RBFOX2: variants seen among roughly 807,000 people sequenced by gnomAD.
The protein encoded by RBFOX2 is RNA binding fox-1 homolog 2.
Under a neutral mutation model 49.1 loss-of-function variants are expected in RBFOX2, and 10 were observed. The ratio of observed to expected loss-of-function variants is 0.20; its 90% CI spans 0.13 to 0.35. The LOEUF (loss-of-function observed/expected upper bound fraction) is 0.35, where lower values mean the gene tolerates loss of function less well. Among genes scored for constraint, RBFOX2 ranks in the 10% least tolerant of loss-of-function variants. RBFOX2 has a pLI of 1.00. For missense variants in RBFOX2, 323 were observed against 486.9 expected (o/e 0.66, Z 3.17); for synonymous variants, 183 against 187.4 (o/e 0.98, Z 0.19).
intron 10 of RBFOX2, 47 bp from the exon 13 acceptor site, chr22:35,746,042 C>T (rs372090426): frequency 6.0e-6 from 9 of 1,510,456 alleles, no homozygotes; most frequent in Non-Finnish European, 8.3e-6. Context: ...AGTGTATGAT[C>T]TAAAAAAATT....
chr22:35,779,659 T>C (rs1183453249), intron 3 of RBFOX2, among the ~76,000 whole-genome samples: 2 of 152,220 alleles, frequency 1.3e-5, no homozygotes, highest in Admixed American at 6.5e-5. Flanking sequence ...ACTCCTTTTA[T>C]GGTTAAGACG....
chr22:35,772,179 C>G (rs866081578), intron 4 of RBFOX2, among the ~76,000 whole-genome samples: 2 of 152,152 alleles, frequency 1.3e-5, no homozygotes, highest in Middle Eastern at 6.8e-3. Flanking sequence ...TTTTTGTTAT[C>G]TAAACTTCTA....
intron 1 of RBFOX2, among the ~76,000 whole-genome samples, chr22:35,883,815 C>T (rs2046233971): frequency 6.6e-6 from 1 of 152,032 alleles, no homozygotes; most frequent in Non-Finnish European, 1.5e-5. Flanking sequence ...CCCTTTCTTC[C>T]AGTTTCTTTC....
At chr22:35,972,929 G>T (rs1306389442) in intron 1 of RBFOX2, among the ~76,000 whole-genome samples, 1 of 152,200 alleles carries the variant, frequency 6.6e-6, no homozygotes, top group Non-Finnish European at 1.5e-5. Flanking sequence ...AAGACCTGCA[G>T]AATTAAATTC....
intron 1 of RBFOX2, among the ~76,000 whole-genome samples, chr22:35,823,871 C>T (rs959952069): frequency 9.9e-5 from 15 of 152,122 alleles, no homozygotes; most frequent in African/African-American, 7.2e-5. Flanking sequence ...AATATGTGGC[C>T]GGATGCAGTG....
chr22:36,001,400 G>A (rs2058419683), intron 1 of RBFOX2, among the ~76,000 whole-genome samples: 1 of 152,058 alleles, frequency 6.6e-6, no homozygotes, highest in Admixed American at 6.5e-5. Context: ...TTGAACCTGA[G>A]TTTATGACAA....
intron 1 of RBFOX2, among the ~76,000 whole-genome samples, chr22:35,920,984 T>A (rs1481673134): frequency 6.6e-6 from 1 of 152,238 alleles, no homozygotes; most frequent in Non-Finnish European, 1.5e-5. Flanking sequence ...ATTCTAAATT[T>A]TCTTCAATGA....
rs371392874 is a variant in RBFOX2 at position 36,028,329 on chromosome 22, G to T, written c.97C>A (p.Pro33Thr). ...TCGGCTCCGTCTCCTCCCGCTCCGG[G>T]CACCGGCAGCTCCAGCTCCGACTCC... The change falls in exon 1 of 14, where the codon CCC becomes ACC. Residue 33 changes from proline (P) to threonine (T), a missense_variant. Physicochemically the swap from Pro to Thr is conservative, Grantham distance 38. Coordinates refer to the RBFOX2 transcript ENST00000438146. The T allele has an allele frequency of 4.1e-5, 61 of 1,502,476 alleles. 1 individual carries two copies. In the East Asian group the frequency reaches 1.3e-3, roughly 32 times the overall value. The allele number at this position is 1,502,476 out of a possible 1,614,324, so 93.1% of individuals were successfully genotyped here.
At chr22:35,943,493 A>G (rs1334597678), upstream of RBFOX2, among the ~76,000 whole-genome samples, 2 of 152,180 alleles carry the variant, frequency 1.3e-5, no homozygotes, top group African/African-American at 4.8e-5. Context: ...TAAAATACCA[A>G]CCGTAAGAAT....
chr22:35,764,069 G>T (rs1371562698), intron 6 of RBFOX2, among the ~76,000 whole-genome samples: 1 of 152,084 alleles, frequency 6.6e-6, no homozygotes, highest in African/African-American at 2.4e-5. Context: ...GCAGTGAAAA[G>T]AAAATAAGAG....
chr22:35,923,566 T>G (rs2051268354), intron 1 of RBFOX2, among the ~76,000 whole-genome samples: 1 of 152,134 alleles, frequency 6.6e-6, no homozygotes, highest in African/African-American at 2.4e-5. Context: ...GGAGGACCAT[T>G]CCATTTGCCT....
At chr22:35,751,325 G>C (rs1934828004) in intron 9 of RBFOX2, among the ~76,000 whole-genome samples, 1 of 152,156 alleles carries the variant, frequency 6.6e-6, no homozygotes, top group Non-Finnish European at 1.5e-5. Context: ...CTGAGGAGGA[G>C]AGTGTGTATT....
intron 1 of RBFOX2, among the ~76,000 whole-genome samples, chr22:35,982,534 T>C (rs912043516): frequency 1.3e-5 from 2 of 152,116 alleles, no homozygotes; most frequent in Non-Finnish European, 1.5e-5. Flanking sequence ...GTACAGGGCA[T>C]ACGGGCGCTA....
chr22:35,769,234 A>G (rs1941955119), intron 4 of RBFOX2, among the ~76,000 whole-genome samples: 1 of 152,220 alleles, frequency 6.6e-6, no homozygotes, highest in Non-Finnish European at 1.5e-5. Context: ...TGAGATCTAC[A>G]TTAGTGACAT....
At chr22:35,766,683 GA>G (rs924635701) in intron 5 of RBFOX2, among the ~76,000 whole-genome samples, 1 of 151,988 alleles carries the variant, frequency 6.6e-6, no homozygotes, top group Non-Finnish European at 1.5e-5. Flanking sequence ...ACAAATAAAA[GA>G]AAGAAAAAAC....
intron 1 of RBFOX2, among the ~76,000 whole-genome samples, chr22:36,027,508 C>A (rs2059486901): frequency 6.6e-6 from 1 of 152,106 alleles, no homozygotes; most frequent in Non-Finnish European, 1.5e-5. Context: ...TTCTAATAGC[C>A]CTATAAAAAA....
At chr22:35,821,646 T>A (rs1394772717) in intron 1 of RBFOX2, 13 of 435,170 alleles carry the variant, frequency 3.0e-5, no homozygotes, top group South Asian at 2.2e-4. Context: ...TAGTATCCTA[T>A]CCTTCACTCT....
chr22:35,881,973 A>G (rs187263452), intron 1 of RBFOX2, among the ~76,000 whole-genome samples: 361 of 152,038 alleles, frequency 2.4e-3, no homozygotes, highest in African/African-American at 8.4e-3. Flanking sequence ...GAAAAAAAGA[A>G]AAGAAAGAAA....
intron 4 of RBFOX2, among the ~76,000 whole-genome samples, chr22:35,774,236 G>A (rs1448947865): frequency 2.0e-5 from 3 of 151,974 alleles, no homozygotes; most frequent in Non-Finnish European, 2.9e-5. Flanking sequence ...TGTAAATTGA[G>A]GCTAGCCTGG....
Sources: gnomAD v4.1 joint callset for allele counts (sites outside exome capture counted in the v4.1 genomes callset) on GRCh38, gnomAD v4.1.1 for gene constraint, MANE v1.5 for transcripts, NCBI Gene and HGNC (gene_info 2026-07-23, HGNC 2026-07-21) for gene names.